FAM3D: variants seen among roughly 807,000 people sequenced by gnomAD.
FAM3D encodes the protein protein FAM3D.
A neutral mutation model predicts 29.8 loss-of-function variants in FAM3D; 26 were observed. That is an observed-to-expected ratio of 0.87 (90% CI 0.64 to 1.21). The LOEUF is 1.21. FAM3D is among the 50% of genes most tolerant of loss of function. The pLI is 0.00. For synonymous variants in FAM3D, 115 were observed against 102.3 expected (o/e 1.12, Z -0.75); for missense variants, 253 against 290.9 (o/e 0.87, Z 0.95).
intron 1 of FAM3D, among the ~76,000 whole-genome samples, chr3:58,661,606 CTG>C (rs1559509811): frequency 6.6e-6 from 1 of 152,200 alleles, no homozygotes; most frequent in African/African-American, 2.4e-5. Flanking sequence ...AATTGGGAGT[CTG>C]TATAACGTGG....
rs2066199662 is a variant in FAM3D, at chr3:58,637,238, G to A, written c.374-13C>T. 6.2e-7 allele frequency: 1 copy of A among 1,605,374 alleles called. No homozygotes were observed. On this transcript the variant is annotated splice_polypyrimidine_tract_variant and intron_variant, in intron 7 of 9. Transcript: ENST00000358781. ...AGGTGCATAACATCTGGGGGAGGAA[G>A]GAAAAGGTGCTGGTGATTTAGGGGA...
Position 58,637,232 on chromosome 3 carries a change from G to A in FAM3D, c.374-7C>T. The stretch of plus-strand genomic sequence containing the variant: ...TTCACTAGGTGCATAACATCTGGGG[G>A]AGGAAGGAAAAGGTGCTGGTGATTT... On this transcript the variant is annotated splice_polypyrimidine_tract_variant and splice_region_variant and intron_variant, in intron 7 of 9. Transcript: ENST00000358781. 1 of 1,609,708 alleles carries A rather than the reference G, an allele frequency of 6.2e-7. No homozygotes were observed. The highest frequency in any genetic ancestry group is 8.5e-7 in the Non-Finnish European group (1 of 1,177,826).
Position 58,645,676 on chromosome 3 carries a change from T to G in FAM3D, c.146-50A>C, listed in dbSNP as rs764917440. 2.6e-6 allele frequency: 4 copies of G among 1,527,844 alleles called. No individual in the cohort carries two copies. In the South Asian group the frequency reaches 4.5e-5, roughly 17 times the overall value. 94.6% of individuals were successfully genotyped at this position (1,527,844 alleles called of 1,614,324 possible). On this transcript the variant is annotated intron_variant, in intron 4 of 9. Transcript: ENST00000358781. ...GGTGGGCAGAAGCTCAGGAGGTACT[T>G]GGGGGAGAAGGAGGGGAGGGCCAGG...
chr3:58,638,258 T>C (rs1317181376), intron 7 of FAM3D, among the ~76,000 whole-genome samples: 1 of 152,232 alleles, frequency 6.6e-6, no homozygotes, highest in African/African-American at 2.4e-5. Context: ...AAGGCAGTAA[T>C]ATAGTTTCCT....
chr3:58,660,728 A>G (rs530129236), intron 1 of FAM3D, among the ~76,000 whole-genome samples: 2 of 152,294 alleles, frequency 1.3e-5, no homozygotes, highest in East Asian at 3.9e-4. Context: ...CAGGATTTTT[A>G]GGGTTTTTAC....
chr3:58,643,711 A>T lies in FAM3D; in HGVS notation c.273T>A (p.Ser91Arg). Residue 91 changes from serine (S) to arginine (R), a missense_variant, in exon 6 of 10, where the codon AGT (serine) becomes AGA (arginine). Ser to Arg is a moderately radical substitution (Grantham distance 110). Transcript: ENST00000358781. ...TMCFEDRMIM[S>R]PVKNNVGRGL... The stretch of plus-strand genomic sequence containing the variant: ...CTCTGCCCACATTGTTTTTCACAGG[A>T]CTCATGATCCTGAAGACAATGAAGA... 1 of 1,613,854 alleles carries T rather than the reference A, an allele frequency of 6.2e-7. No individual in the cohort carries two copies. Among genetic ancestry groups the T allele is most frequent in the Non-Finnish European group, 8.5e-7 (1 of 1,180,002 alleles).
intron 1 of FAM3D, among the ~76,000 whole-genome samples, chr3:58,660,873 C>T (rs1431621326): frequency 3.3e-5 from 5 of 152,276 alleles, no homozygotes; most frequent in East Asian, 1.9e-4. Context: ...AACTGAGGCA[C>T]GGCGGTCAAG....
At chr3:58,647,741 C>T (rs1037341291) in intron 4 of FAM3D, among the ~76,000 whole-genome samples, 1 of 152,194 alleles carries the variant, frequency 6.6e-6, no homozygotes, top group Non-Finnish European at 1.5e-5. Context: ...AGGCTGCTCC[C>T]ATCAGCTGCC....
chr3:58,660,745 A>G (rs1328756261), intron 1 of FAM3D, among the ~76,000 whole-genome samples: 2 of 152,190 alleles, frequency 1.3e-5, no homozygotes, highest in African/African-American at 4.8e-5. Context: ...TTACTCCTCA[A>G]GTTCCTAGGG....
At chr3:58,666,531 T>A (rs924146016) in intron 1 of FAM3D, 45 bp downstream of exon 1, 1 of 152,330 alleles carries the variant, frequency 6.6e-6, no homozygotes, top group East Asian at 1.9e-4. Flanking sequence ...CTGTCAATCA[T>A]GTGTACCTGG....
At chr3:58,636,778 T>C (rs78437813) in intron 8 of FAM3D, among the ~76,000 whole-genome samples, 4,105 of 139,660 alleles carry the variant, frequency 0.029, 68 homozygotes, top group South Asian at 0.074. Flanking sequence ...TGTTTTTTTT[T>C]CCCCTCACTT....
Position 58,645,532 on chromosome 3 carries a change from A to AGGGCCCACGACGTTGGC in FAM3D, c.223_239dup (p.Thr81ProfsTer14). 6.2e-7 allele frequency: 1 copy of AGGGCCCACGACGTTGGC among 1,614,100 alleles called. No homozygotes were observed. Among genetic ancestry groups the AGGGCCCACGACGTTGGC allele is most frequent in the Non-Finnish European group, 8.5e-7 (1 of 1,179,954 alleles). On this transcript the variant is annotated frameshift_variant, in exon 5 of 10. Coordinates refer to ENST00000358781, the MANE Select transcript of FAM3D (RefSeq NM_138805.3). LOFTEE classifies it high-confidence loss of function. ...ACATGCGGTCTTCAAAGCACATAGT[A>AGGGCCCACGACGTTGGC]GGGCCCACGACGTTGGCGGCCCCAC... is the stretch of plus-strand genomic sequence containing the variant.
intron 1 of FAM3D, among the ~76,000 whole-genome samples, chr3:58,666,279 C>A (rs373137133): frequency 6.6e-6 from 1 of 152,176 alleles, no homozygotes; most frequent in East Asian, 1.9e-4. Flanking sequence ...GTGCCCATGG[C>A]AGACATAGCT....
At chr3:58,646,025 G>C (rs1320293951) in intron 4 of FAM3D, among the ~76,000 whole-genome samples, 1 of 152,222 alleles carries the variant, frequency 6.6e-6, no homozygotes, top group African/African-American at 2.4e-5. Context: ...GACCCTGGCG[G>C]GGTGAGTGGG....
At chr3:58,640,756 G>A (rs1316104575) in intron 6 of FAM3D, among the ~76,000 whole-genome samples, 1 of 152,232 alleles carries the variant, frequency 6.6e-6, no homozygotes, top group African/African-American at 2.4e-5. Flanking sequence ...GCCCTCCAGG[G>A]AACCGAGTCT....
At chr3:58,659,063 G>T (rs116057390) in intron 1 of FAM3D, among the ~76,000 whole-genome samples, 1 of 152,178 alleles carries the variant, frequency 6.6e-6, no homozygotes, top group African/African-American at 2.4e-5. Context: ...GTGTTTTTCC[G>T]CACATCTCTC....
At chr3:58,645,840 G>A (rs926455658) in intron 4 of FAM3D, among the ~76,000 whole-genome samples, 3 of 152,224 alleles carry the variant, frequency 2.0e-5, no homozygotes, top group African/African-American at 7.2e-5. Context: ...CACAGGACCA[G>A]CCCAGAATGA....
At chr3:58,655,508 C>G in intron 2 of FAM3D, 43 bp downstream of exon 2, 1 of 1,612,224 alleles carries the variant, frequency 6.2e-7, no homozygotes, top group Admixed American at 1.7e-5. Flanking sequence ...TGGGTGGACA[C>G]AGCTGACAGA....
intron 3 of FAM3D, among the ~76,000 whole-genome samples, chr3:58,650,413 G>C (rs1445713182): frequency 6.6e-6 from 1 of 152,178 alleles, no homozygotes; most frequent in African/African-American, 2.4e-5. Flanking sequence ...GGGAGAGGGA[G>C]AGACAGAGAG....
Sources: gnomAD v4.1 joint callset for allele counts (sites outside exome capture counted in the v4.1 genomes callset) on GRCh38, gnomAD v4.1.1 for gene constraint, MANE v1.5 for transcripts, NCBI Gene and HGNC (gene_info 2026-07-23, HGNC 2026-07-21) for gene names.